The following ZNF625 variants were observed in gnomAD, a reference collection of about 807,000 sequenced individuals.
ZNF625 encodes the protein zinc finger protein 625.
A neutral mutation model predicts 11.1 loss-of-function variants in ZNF625; 8 were observed. The observed-to-expected ratio is 0.72, with a 90% CI of 0.42 to 1.30. The LOEUF is 1.30. ZNF625 is among the 50% of genes most tolerant of loss of function. The pLI, the probability that ZNF625 is intolerant of heterozygous loss-of-function variation, is 0.01. For synonymous variants in ZNF625, 145 were observed against 153.4 expected (o/e 0.95, Z 0.41); for missense variants, 349 against 447.6 (o/e 0.78, Z 1.99).
At position 12,147,473 on chromosome 19, in the gene ZNF625, A is replaced by G. The variant is rs563957141; in HGVS notation, c.131-18T>C. On this transcript the variant is annotated intron_variant, in intron 2 of 3. Transcript: ENST00000439556. ...TTTTTTTCCTAAAATACAGAACCAG[A>G]AAAATAGTCCTGAATTAGCAAAATT... 41 of 1,527,632 alleles carry G rather than the reference A, an allele frequency of 2.7e-5. No homozygotes were observed. In the East Asian group the frequency reaches 9.8e-4, roughly 36 times the overall value. The allele number at this position is 1,527,632 out of a possible 1,614,324, so 94.6% of individuals were successfully genotyped here. A position where few individuals can be genotyped will look rare whatever the true frequency, so the allele number is the denominator to read the frequency against.
Position 12,148,873 on chromosome 19 carries a change from C to T in ZNF625, c.4-1071G>A, listed in dbSNP as rs1002267696. Reference sequence around the variant, plus strand: ...TCCTGACCTTGTGATCCACCTGTCTCGGCCTCCCAAAGTGTTGGGATTACA... The same window carrying T: ...TCCTGACCTTGTGATCCACCTGTCTTGGCCTCCCAAAGTGTTGGGATTACA... On this transcript the variant is annotated intron_variant, in intron 1 of 3. Coordinates refer to ENST00000439556, the MANE Select transcript of ZNF625 (RefSeq NM_145233.4). Among the ~76,000 whole-genome samples, 23 of 151,582 alleles carry T rather than the reference C, an allele frequency of 1.5e-4. No individual in the cohort carries two copies. The Middle Eastern group carries it at 0.01, about 68-fold the overall frequency.
At chr19:12,151,095 T>C (rs60392666) in intron 1 of ZNF625, among the ~76,000 whole-genome samples, 4,666 of 105,644 alleles carry the variant, frequency 0.044, 246 homozygotes, top group African/African-American at 0.18. Flanking sequence ...TTATTTCTTC[T>C]TTTTTTTTTT....
At chr19:12,155,018 G>C (rs1275108681) in intron 1 of ZNF625, among the ~76,000 whole-genome samples, 1 of 152,114 alleles carries the variant, frequency 6.6e-6, no homozygotes, top group African/African-American at 2.4e-5. Flanking sequence ...TTGAGGTCAG[G>C]AGTTTGAGAC....
At position 12,145,960 on chromosome 19, in the gene ZNF625, T is replaced by C. The variant is rs1184918791; in HGVS notation, c.456A>G (p.Thr152=). The change falls in exon 4 of 4, where the codon ACA becomes ACG. Residue 152 remains threonine, a synonymous_variant. Transcript: ENST00000439556. ...KAFSDLPYFR[T]HEWAHTGGKP... ...TCCCCCCAGTGTGAGCCCATTCATG[T>C]GTTCGAAAGTAGGGGAGATCACTGA... 1.9e-6 allele frequency: 3 copies of C among 1,614,112 alleles called. No individual in the cohort carries two copies. Among genetic ancestry groups the C allele is most frequent in the African/African-American group, 1.3e-5 (1 of 74,950 alleles).
intron 3 of ZNF625, 36 bp from the exon 4 acceptor site, chr19:12,146,260 T>A: frequency 1.3e-6 from 2 of 1,549,002 alleles, no homozygotes; most frequent in African/African-American, 1.4e-5. Flanking sequence ...AATGGGTTCC[T>A]TTATCACTGA....
chr19:12,151,699 G>A (rs1483286418), intron 1 of ZNF625, among the ~76,000 whole-genome samples: 1 of 151,602 alleles, frequency 6.6e-6, no homozygotes, highest in East Asian at 1.9e-4. Flanking sequence ...ATTTTTTGTA[G>A]AGACATGGTC....
In ZNF625 at chr19:12,153,960, G is replaced by A. The variant is rs1405791623; in HGVS notation, c.3+2596C>T. On this transcript the variant is annotated intron_variant, in intron 1 of 3. Coordinates refer to ENST00000439556, the MANE Select transcript of ZNF625 (RefSeq NM_145233.4). ...GTAGCTGGGACTACAGGCACCTGCC[G>A]CCATGTCCGGCTAATTTTTTGTATT... Among the ~76,000 whole-genome samples the A allele has an allele frequency of 2.0e-5, 3 of 150,844 alleles. 1 individual carries two copies. Among genetic ancestry groups the A allele is most frequent in the African/African-American group, 7.3e-5 (3 of 41,054 alleles).
rs1339174447 is a variant in ZNF625 at position 12,145,680 on chromosome 19, G to T, written c.736C>A (p.Pro246Thr). 6.2e-7 allele frequency: 1 copy of T among 1,614,016 alleles called. No individual in the cohort carries two copies. Among genetic ancestry groups the T allele is most frequent in the Non-Finnish European group, 8.5e-7 (1 of 1,180,036 alleles). ...TTCCCACACTCACTGCATTCATAAG[G>T]CTTCTCTCCAGTGTGAGTTCTTTCA... ...IHERTHTGEK[P>T]YECSECGKAF... Residue 246 changes from proline (P) to threonine (T), a missense_variant, in exon 4 of 4, where the codon CCT becomes ACT. Physicochemically the swap from Pro to Thr is conservative, Grantham distance 38 (BLOSUM62 -1). Coordinates refer to ENST00000439556, the MANE Select transcript of ZNF625 (RefSeq NM_145233.4).
At chr19:12,152,228 A>T (rs1156812725) in intron 1 of ZNF625, among the ~76,000 whole-genome samples, 1 of 152,124 alleles carries the variant, frequency 6.6e-6, no homozygotes, top group African/African-American at 2.4e-5. Context: ...AATGCAACAT[A>T]TGTACATGTA....
chr19:12,154,970 CT>C (rs1977006517), intron 1 of ZNF625, among the ~76,000 whole-genome samples: 1 of 152,126 alleles, frequency 6.6e-6, no homozygotes, highest in African/African-American at 2.4e-5. Context: ...AATCCTAGCA[CT>C]TTGGGAGGCG....
At chr19:12,150,008 G>A (rs1976933155) in intron 1 of ZNF625, among the ~76,000 whole-genome samples, 1 of 152,078 alleles carries the variant, frequency 6.6e-6, no homozygotes, top group Non-Finnish European at 1.5e-5. Context: ...CAAAGTGCTG[G>A]GATTACAGGT....
At chr19:12,146,477 A>G (rs762667709) in intron 3 of ZNF625, among the ~76,000 whole-genome samples, 27 of 152,276 alleles carry the variant, frequency 1.8e-4, no homozygotes, top group Non-Finnish European at 2.5e-4. Context: ...TCTGTCATCC[A>G]GGCTGGAGTG....
chr19:12,153,856 G>A (rs1976992635), intron 1 of ZNF625, among the ~76,000 whole-genome samples: 2 of 132,510 alleles, frequency 1.5e-5, no homozygotes, highest in Admixed American at 8.3e-5. Flanking sequence ...CCCCCAGGCT[G>A]GAGTGCAGTG....
Position 12,147,816 on chromosome 19 carries a change from C to T in ZNF625, c.4-14G>A, listed in dbSNP as rs754434452. The T allele has an allele frequency of 1.9e-6, 3 of 1,613,296 alleles. No individual in the cohort carries two copies. The highest frequency in any genetic ancestry group is 3.3e-5 in the Admixed American group (2 of 59,770). On this transcript the variant is annotated splice_polypyrimidine_tract_variant and intron_variant, in intron 1 of 3. Transcript: ENST00000439556. ...GACCACTGAATCCTGAAACATCCCA[C>T]ATGTGTAAAGAAACATGGGTGAGAC...
intron 1 of ZNF625, among the ~76,000 whole-genome samples, chr19:12,153,865 T>TGG (rs905649891): frequency 1.4e-5 from 2 of 142,014 alleles, no homozygotes; most frequent in Admixed American, 1.5e-4. Flanking sequence ...TGGAGTGCAG[T>TGG]GGGGTGATCT....
Position 12,145,197 on chromosome 19 carries a change from T to G in ZNF625, c.*100A>C. 7.4e-7 allele frequency: 1 copy of G among 1,349,316 alleles called. No homozygotes were observed. Among genetic ancestry groups the G allele is most frequent in the South Asian group, 1.4e-5 (1 of 69,216 alleles). 83.6% of individuals were successfully genotyped at this position (1,349,316 alleles called of 1,614,324 possible). On this transcript the variant is annotated 3_prime_UTR_variant, in exon 4 of 4. Transcript: ENST00000439556. ...CTGAATGCTGTCAAATGACAGTGAC[T>G]GCAGAAGCTTCAGAATAATTTTGCG...
intron 1 of ZNF625, among the ~76,000 whole-genome samples, chr19:12,151,039 T>C (rs1455186246): frequency 1.3e-5 from 2 of 152,106 alleles, no homozygotes; most frequent in African/African-American, 4.8e-5. Flanking sequence ...GGACCAGGTG[T>C]AGAATTTTCA....
intron 1 of ZNF625, among the ~76,000 whole-genome samples, chr19:12,149,377 GTA>G (rs112874033): frequency 0.18 from 26,355 of 148,400 alleles, 2,719 homozygotes; most frequent in African/African-American, 0.29. Flanking sequence ...AATGTGATAG[GTA>G]TATATATATA....
At chr19:12,150,437 A>G (rs575994972) in intron 1 of ZNF625, among the ~76,000 whole-genome samples, 227 of 152,266 alleles carry the variant, frequency 1.5e-3, no homozygotes, top group Non-Finnish European at 2.8e-3. Flanking sequence ...GTGATACCCA[A>G]TGAAGTTCTG....
Sources: gnomAD v4.1 joint callset for allele counts (sites outside exome capture counted in the v4.1 genomes callset) on GRCh38, gnomAD v4.1.1 for gene constraint, MANE v1.5 for transcripts, NCBI Gene and HGNC (gene_info 2026-07-23, HGNC 2026-07-21) for gene names.